The following HFM1 variants were observed in gnomAD, a reference collection of about 807,000 sequenced individuals.
HFM1 encodes probable ATP-dependent DNA helicase HFM1.
Under a neutral mutation model 192.1 loss-of-function variants are expected in HFM1, and 169 were observed. The ratio of observed to expected loss-of-function variants is 0.88; its 90% confidence interval spans 0.78 to 1.00. The LOEUF (loss-of-function observed/expected upper bound fraction) is 1.00. HFM1 is among the 50% of genes least tolerant of loss of function. The probability of loss-of-function intolerance (pLI) is 0.00; values close to 1 mark genes in which losing one functional copy is unlikely to be tolerated. For synonymous variants in HFM1, 525 were observed against 537.8 expected (o/e 0.98, Z 0.33); for missense variants, 1,661 against 1,668.0 (o/e 1.00, Z 0.07).
intron 13 of HFM1, among the ~76,000 whole-genome samples, chr1:91,355,335 A>C (rs1451253168): frequency 6.6e-6 from 1 of 152,100 alleles, no homozygotes; most frequent in Non-Finnish European, 1.5e-5. Context: ...GAAAACAATT[A>C]AAATGGCAGG....
upstream of HFM1, among the ~76,000 whole-genome samples, chr1:91,407,334 T>G (rs1664847974): frequency 6.6e-6 from 1 of 152,016 alleles, no homozygotes; most frequent in Non-Finnish European, 1.5e-5. Context: ...TGTGCACATG[T>G]ACCCCAAAAC....
chr1:91,312,976 C>T (rs551639422), intron 30 of HFM1, among the ~76,000 whole-genome samples: 3 of 152,200 alleles, frequency 2.0e-5, no homozygotes, highest in South Asian at 2.1e-4. Context: ...ATTTTTCTCT[C>T]GCCACCACCA....
intron 20 of HFM1, among the ~76,000 whole-genome samples, chr1:91,330,363 T>C (rs1198661210): frequency 2.6e-5 from 4 of 152,138 alleles, no homozygotes; most frequent in South Asian, 2.1e-4. Flanking sequence ...CATTAGTGGC[T>C]ACTAGCAGCA....
intron 23 of HFM1, among the ~76,000 whole-genome samples, chr1:91,321,521 G>C (rs988079869): frequency 6.6e-6 from 1 of 152,074 alleles, no homozygotes; most frequent in African/African-American, 2.4e-5. Context: ...CTAAAACTAA[G>C]AGGATTAACA....
chr1:91,329,205 A>G, intron 20 of HFM1: 1 of 1,609,764 alleles, frequency 6.2e-7, no homozygotes, highest in South Asian at 1.1e-5. Context: ...TCGGCTCCAC[A>G]AGGAGGCTTA....
chr1:91,322,808 A>G (rs1652328437), intron 23 of HFM1, 142 bp downstream of exon 23: 2 of 465,512 alleles, frequency 4.3e-6, no homozygotes, highest in Non-Finnish European at 7.4e-6. Context: ...CATCAATTTT[A>G]AAGTCTGAGA....
At chr1:91,305,368 G>A (rs1649445127) in intron 30 of HFM1, among the ~76,000 whole-genome samples, 4 of 151,968 alleles carry the variant, frequency 2.6e-5, no homozygotes, top group Admixed American at 1.3e-4. Flanking sequence ...AGTTTTCAGT[G>A]TTCACTTCTT....
At chr1:91,270,270 G>C (rs1300625186) in intron 34 of HFM1, among the ~76,000 whole-genome samples, 1 of 152,092 alleles carries the variant, frequency 6.6e-6, no homozygotes, top group Non-Finnish European at 1.5e-5. Flanking sequence ...ATTTACATGT[G>C]GGGTGAGCTA....
At chr1:91,355,443 A>C (rs1022312283) in intron 13 of HFM1, among the ~76,000 whole-genome samples, 2 of 151,954 alleles carry the variant, frequency 1.3e-5, no homozygotes, top group African/African-American at 4.8e-5. Flanking sequence ...AAAAAAAAAA[A>C]ACCAAGATCC....
At chr1:91,366,122 C>CA (rs1262190439) in intron 13 of HFM1, among the ~76,000 whole-genome samples, 3 of 151,704 alleles carry the variant, frequency 2.0e-5, no homozygotes, top group Non-Finnish European at 4.4e-5. Flanking sequence ...TATATGTTTG[C>CA]AAAAAAATGA....
At chr1:91,274,209 C>T (rs1666589751) in intron 33 of HFM1, among the ~76,000 whole-genome samples, 1 of 151,860 alleles carries the variant, frequency 6.6e-6, no homozygotes, top group African/African-American at 2.4e-5. Context: ...CCACCTAAGG[C>T]CTTCTGCTTG....
chr1:91,294,375 C>T (rs77388300), intron 30 of HFM1, among the ~76,000 whole-genome samples: 1 of 152,122 alleles, frequency 6.6e-6, no homozygotes, highest in Non-Finnish European at 1.5e-5. Flanking sequence ...TGGACTCATA[C>T]AGTATTACCT....
At position 91,397,076 on chromosome 1, in the gene HFM1, G is replaced by A. The variant is rs550361991; in HGVS notation, c.72-671C>T. ...ATCTGAGGTGGAACAGTTTCATCCC[G>A]AAACCATCTGTGGAAAAACTGTCCA... On this transcript the variant is annotated intron_variant, in intron 2 of 38. Transcript: ENST00000370425. 9.8e-4 allele frequency among the ~76,000 whole-genome samples: 150 copies of A among 152,308 alleles called. 1 individual carries two copies. Among genetic ancestry groups the A allele is most frequent in the African/African-American group, 3.5e-3 (144 of 41,562 alleles).
chr1:91,362,957 G>A (rs1571107644), intron 13 of HFM1, among the ~76,000 whole-genome samples: 1 of 152,126 alleles, frequency 6.6e-6, no homozygotes, highest in African/African-American at 2.4e-5. Context: ...ATGGTGCTGG[G>A]AGAGCTGGCT....
intron 13 of HFM1, among the ~76,000 whole-genome samples, chr1:91,361,564 G>T (rs777605421): frequency 3.9e-5 from 6 of 152,206 alleles, no homozygotes; most frequent in Non-Finnish European, 8.8e-5. Context: ...GTAATAACTA[G>T]CTTACCAACC....
At chr1:91,372,926 T>C (rs1480969582) in intron 13 of HFM1, among the ~76,000 whole-genome samples, 1 of 152,148 alleles carries the variant, frequency 6.6e-6, no homozygotes, top group Non-Finnish European at 1.5e-5. Context: ...CTCTCTACTG[T>C]TTCTTATTGC....
chr1:91,338,401 C>T (rs990085765), intron 20 of HFM1, among the ~76,000 whole-genome samples: 1 of 152,156 alleles, frequency 6.6e-6, no homozygotes, highest in African/African-American at 2.4e-5. Flanking sequence ...TATCTGAGTG[C>T]CCCCTGACTG....
In HFM1 at chr1:91,385,801, A is replaced by C. The variant is rs1183124986; in HGVS notation, c.528T>G (p.Ser176Arg). Residue 176 changes from serine to arginine, a missense_variant, in exon 5 of 39, where the codon AGT (serine) becomes AGG (arginine). By Grantham distance (110) the Ser-to-Arg change is moderately radical. Transcript: ENST00000370425. ...CCAATTCATTGTCATTAGAATAAGCACTCCCATGTATATTGTCAGATATTT... is the reference window on the plus strand; with the variant it reads ...CCAATTCATTGTCATTAGAATAAGCCCTCCCATGTATATTGTCAGATATTT... ...LFKISDNIHG[S>R]AYSNDNELDS... 6.2e-7 allele frequency: 1 copy of C among 1,608,196 alleles called. No individual in the cohort carries two copies. Among genetic ancestry groups the C allele is most frequent in the Non-Finnish European group, 8.5e-7 (1 of 1,175,070 alleles).
At chr1:91,318,208 CAG>C (rs1651547136) in intron 25 of HFM1, among the ~76,000 whole-genome samples, 1 of 152,120 alleles carries the variant, frequency 6.6e-6, no homozygotes, top group Admixed American at 6.6e-5. Context: ...TTACTTTCAC[CAG>C]CCAATCCCCA....
Sources: allele counts gnomAD v4.1 joint callset (sites outside exome capture counted in the v4.1 genomes callset), GRCh38; gene constraint gnomAD v4.1.1; transcripts MANE v1.5; gene names NCBI Gene and HGNC (gene_info 2026-07-23, HGNC 2026-07-21).